Variants in CPVL observed in about 807,000 individuals in gnomAD.
CPVL encodes the protein carboxypeptidase vitellogenic like, also known as probable serine carboxypeptidase CPVL.
CPVL carries 51 observed loss-of-function variants against 63.7 expected under a neutral mutation model. The ratio of observed to expected loss-of-function variants is 0.80; its 90% CI spans 0.64 to 1.01. CPVL has a LOEUF of 1.01. Among genes scored for constraint, CPVL ranks in the 50% least tolerant of loss-of-function variants. The probability of loss-of-function intolerance (pLI) is 0.00; values close to 1 mark genes in which losing one functional copy is unlikely to be tolerated. For synonymous variants in CPVL, 195 were observed against 206.0 expected (o/e 0.95, Z 0.46); for missense variants, 530 against 573.1 (o/e 0.92, Z 0.77).
chr7:29,156,193 C>T (rs1411670764), intron 5 of CPVL, among the ~76,000 whole-genome samples: 3 of 152,174 alleles, frequency 2.0e-5, no homozygotes, highest in East Asian at 1.9e-4. Flanking sequence ...CCACTGGACT[C>T]GTCTGGTTTT....
At chr7:29,067,888 C>A (rs1168975913) in intron 9 of CPVL, among the ~76,000 whole-genome samples, 1 of 152,130 alleles carries the variant, frequency 6.6e-6, no homozygotes, top group Non-Finnish European at 1.5e-5. Context: ...CCTGAGCCTG[C>A]ACACTCAACC....
intron 12 of CPVL, chr7:28,996,181 T>C (rs1029303354): frequency 8.6e-5 from 22 of 254,638 alleles, no homozygotes; most frequent in African/African-American, 5.1e-4. Flanking sequence ...ATCTGCCTGC[T>C]CCCCGCAGTT....
intron 9 of CPVL, among the ~76,000 whole-genome samples, chr7:29,068,858 C>T (rs1422035559): frequency 6.6e-6 from 1 of 151,662 alleles, no homozygotes; most frequent in African/African-American, 2.4e-5. Flanking sequence ...CTACGCCCGG[C>T]TAACTTTTTT....
intron 11 of CPVL, among the ~76,000 whole-genome samples, chr7:29,056,838 G>A (rs660500): frequency 6.6e-6 from 1 of 152,008 alleles, no homozygotes; most frequent in African/African-American, 2.4e-5. Flanking sequence ...TAAGCATTTA[G>A]TGTTGTCAGT....
chr7:29,056,949 CTT>C (rs70977101), intron 11 of CPVL, among the ~76,000 whole-genome samples: 6 of 118,056 alleles, frequency 5.1e-5, no homozygotes, highest in Admixed American at 1.0e-4. Context: ...TTTTCCTTTT[CTT>C]TTTTTTTTTT....
chr7:29,076,255 G>A (rs1562756279), intron 7 of CPVL, among the ~76,000 whole-genome samples: 1 of 152,104 alleles, frequency 6.6e-6, no homozygotes, highest in Non-Finnish European at 1.5e-5. Context: ...GAGTTCTAAT[G>A]AAAACAGCAA....
intron 12 of CPVL, 84 bp from the exon 13 acceptor site, chr7:28,995,966 T>C (rs1370125191): frequency 4.0e-6 from 3 of 757,434 alleles, no homozygotes; most frequent in Non-Finnish European, 6.3e-6. Flanking sequence ...GATTAAACTC[T>C]ATTTAAAACT....
chr7:29,154,676 AT>A (rs1288429017), intron 5 of CPVL, among the ~76,000 whole-genome samples: 1 of 152,114 alleles, frequency 6.6e-6, no homozygotes, highest in African/African-American at 2.4e-5. Flanking sequence ...TCTACTAAAA[AT>A]AAAAAAAATT....
chr7:29,120,973 C>T lies in CPVL; in HGVS notation c.89G>A (p.Ser30Asn). The T allele has an allele frequency of 6.2e-7, 1 of 1,613,998 alleles. No individual in the cohort carries two copies. The highest frequency in any genetic ancestry group is 1.1e-5 in the South Asian group (1 of 91,038). Residue 30 changes from serine (S) to asparagine (N), a missense_variant, in exon 2 of 13, where the codon AGT becomes AAT. Transcript: ENST00000265394. ...CDGLFRSLYR[S>N]VSMPPKGDSG... is the part of the protein sequence containing the mutation. ...GTCTCCCTTAGGTGGCATGGAAACA[C>T]TTCTGTATAGGGAGCGAAACAGCCC...
chr7:29,126,215 C>T (rs1790005396), intron 1 of CPVL: 1 of 152,134 alleles, frequency 6.6e-6, no homozygotes, highest in Admixed American at 6.5e-5. Context: ...TTCTGGGCAT[C>T]TTTTTCCAAC....
chr7:29,093,653 A>C (rs564357191), intron 5 of CPVL, among the ~76,000 whole-genome samples: 9 of 152,370 alleles, frequency 5.9e-5, no homozygotes, highest in Admixed American at 2.6e-4. Context: ...TCAAAAGAAG[A>C]AGCTACTATT....
intron 1 of CPVL, among the ~76,000 whole-genome samples, chr7:29,141,381 CT>C (rs1791861312): frequency 2.0e-5 from 3 of 151,598 alleles, no homozygotes; most frequent in Admixed American, 2.0e-4. Flanking sequence ...GAAACCCCGT[CT>C]CTACTAAAAA....
At chr7:29,174,348 A>C (rs1489105915) in intron 5 of CPVL, among the ~76,000 whole-genome samples, 1 of 152,208 alleles carries the variant, frequency 6.6e-6, no homozygotes, top group Non-Finnish European at 1.5e-5. Flanking sequence ...GGACAGAAGC[A>C]AAAGTCATCA....
chr7:29,095,770 A>G (rs189848840), intron 4 of CPVL, among the ~76,000 whole-genome samples: 56 of 152,308 alleles, frequency 3.7e-4, no homozygotes, highest in Admixed American at 3.7e-3. Flanking sequence ...AATTAAGAAT[A>G]TAATTCCACC....
intron 11 of CPVL, among the ~76,000 whole-genome samples, chr7:29,055,947 C>T (rs1035087671): frequency 1.1e-4 from 17 of 152,182 alleles, no homozygotes; most frequent in Admixed American, 1.1e-3. Flanking sequence ...ATTGAATCTA[C>T]CCATTATCAA....
At chr7:29,073,428 TTTAA>T (rs1412816749) in intron 7 of CPVL, among the ~76,000 whole-genome samples, 14 of 152,290 alleles carry the variant, frequency 9.2e-5, no homozygotes, top group Admixed American at 3.3e-4. Context: ...GCCCTTATCC[TTTAA>T]TGACTTCCCA....
intron 5 of CPVL, among the ~76,000 whole-genome samples, chr7:29,176,416 T>C (rs1404738387): frequency 1.3e-5 from 2 of 152,180 alleles, no homozygotes; most frequent in East Asian, 3.9e-4. Context: ...GGACTTCTTA[T>C]TGGCAGGAAA....
intron 5 of CPVL, among the ~76,000 whole-genome samples, chr7:29,177,065 A>G (rs1307691527): frequency 1.3e-5 from 2 of 151,868 alleles, no homozygotes; most frequent in Non-Finnish European, 2.9e-5. Context: ...AATATAAAAT[A>G]GTTATCTCCT....
chr7:29,073,388 C>T (rs1783939228), intron 7 of CPVL, among the ~76,000 whole-genome samples: 1 of 152,200 alleles, frequency 6.6e-6, no homozygotes, highest in African/African-American at 2.4e-5. Context: ...TGGATGACTG[C>T]AGTAGACTCC....
Sources: allele counts gnomAD v4.1 joint callset (sites outside exome capture counted in the v4.1 genomes callset), GRCh38; gene constraint gnomAD v4.1.1; transcripts MANE v1.5; gene names NCBI Gene and HGNC (gene_info 2026-07-23, HGNC 2026-07-21).